TMEM108: variants seen among roughly 807,000 people sequenced by gnomAD.
The protein encoded by TMEM108 is transmembrane protein 108, also known as cancer/testis antigen 124.
In TMEM108, 12 loss-of-function variants were observed where a neutral mutation model predicts 35.1. The observed-to-expected ratio is 0.34, with a 90% CI of 0.22 to 0.55. TMEM108 has a LOEUF of 0.55. Ranked by LOEUF, TMEM108 falls within the 20% of genes least tolerant of loss-of-function variation. The pLI, the probability that TMEM108 is intolerant of heterozygous loss-of-function variation, is 0.89. For synonymous variants in TMEM108, 287 were observed against 308.6 expected (o/e 0.93, Z 0.73); for missense variants, 680 against 753.3 (o/e 0.90, Z 1.14).
intron 3 of TMEM108, among the ~76,000 whole-genome samples, chr3:133,347,424 T>C (rs1576479999): frequency 6.6e-6 from 1 of 152,110 alleles, no homozygotes; most frequent in African/African-American, 2.4e-5. Flanking sequence ...TACATAGTGT[T>C]GTGTTTTTCA....
intron 3 of TMEM108, among the ~76,000 whole-genome samples, chr3:133,277,904 C>T (rs916716068): frequency 1.3e-5 from 2 of 152,202 alleles, no homozygotes; most frequent in African/African-American, 4.8e-5. Flanking sequence ...GGACCAGAGA[C>T]TCAGGCTCTG....
Position 133,380,348 on chromosome 3 carries a change from C to T in TMEM108, c.637C>T (p.Leu213=). 2 of 1,614,088 alleles carry T rather than the reference C, an allele frequency of 1.2e-6. No homozygotes were observed. Among genetic ancestry groups the T allele is most frequent in the East Asian group, 4.5e-5 (2 of 44,878 alleles). The part of the protein sequence containing the change: ...SSTPLGQKRP[L]GKIFQIYKGN... ...CACACCTCTGGGGCAGAAGCGGCCCCTGGGGAAAATCTTTCAGATCTACAA... is the reference window on the plus strand; with the variant it reads ...CACACCTCTGGGGCAGAAGCGGCCCTTGGGGAAAATCTTTCAGATCTACAA... Residue 213 remains leucine (L), a synonymous_variant, in exon 4 of 6, where the codon CTG becomes TTG. Coordinates refer to ENST00000321871, the MANE Select transcript of TMEM108 (RefSeq NM_023943.4). This position sits in a 1 kb window ranked among gnomAD's most constrained non-coding sequence, Gnocchi z 5.3.
intron 2 of TMEM108, among the ~76,000 whole-genome samples, chr3:133,179,226 A>G (rs1311328217): frequency 1.3e-5 from 2 of 152,130 alleles, no homozygotes; most frequent in South Asian, 2.1e-4. Context: ...AACTAGTTCA[A>G]CCATTGTGGA....
intron 1 of TMEM108, among the ~76,000 whole-genome samples, chr3:133,042,281 A>G (rs570766708): frequency 3.9e-5 from 6 of 152,234 alleles, no homozygotes; most frequent in African/African-American, 1.4e-4. Context: ...TTCCCATCCT[A>G]TGGCTTAGGT....
chr3:133,147,212 T>C (rs1944734116), intron 2 of TMEM108, among the ~76,000 whole-genome samples: 1 of 152,210 alleles, frequency 6.6e-6, no homozygotes, highest in South Asian at 2.1e-4. Flanking sequence ...CTTAATTTTG[T>C]TATTTACTCA....
chr3:133,098,022 C>T (rs528937034), intron 2 of TMEM108, among the ~76,000 whole-genome samples: 8 of 152,300 alleles, frequency 5.3e-5, no homozygotes, highest in African/African-American at 1.9e-4. Flanking sequence ...TGGATGGATA[C>T]TCACCAATAG....
intron 2 of TMEM108, among the ~76,000 whole-genome samples, chr3:133,223,141 T>C (rs1455914413): frequency 6.6e-6 from 1 of 152,260 alleles, no homozygotes; most frequent in African/African-American, 2.4e-5. Flanking sequence ...GTCATGTTTC[T>C]TTGATTGTTC....
At chr3:133,357,900 C>A (rs181616447) in intron 3 of TMEM108, among the ~76,000 whole-genome samples, 2 of 152,028 alleles carry the variant, frequency 1.3e-5, no homozygotes, top group African/African-American at 4.8e-5. Flanking sequence ...ATCCATGTAA[C>A]CAAAAACCAC....
At chr3:133,152,349 G>A (rs1191794026) in intron 2 of TMEM108, among the ~76,000 whole-genome samples, 1 of 152,178 alleles carries the variant, frequency 6.6e-6, no homozygotes, top group African/African-American at 2.4e-5. Flanking sequence ...TAATGGCAAC[G>A]TATGCTGACT....
At chr3:133,221,099 T>C (rs181222298) in intron 2 of TMEM108, among the ~76,000 whole-genome samples, 16 of 152,194 alleles carry the variant, frequency 1.1e-4, no homozygotes, top group Admixed American at 2.0e-4. Flanking sequence ...CAGTAAGCTC[T>C]CTAAACCCTG....
At chr3:133,313,231 T>C (rs2071156011) in intron 3 of TMEM108, among the ~76,000 whole-genome samples, 1 of 151,676 alleles carries the variant, frequency 6.6e-6, no homozygotes, top group Admixed American at 6.6e-5. Flanking sequence ...GGAGTCTCTC[T>C]CTGTCACCCA....
chr3:133,247,439 G>C (rs1233886732), intron 3 of TMEM108: 1 of 152,042 alleles, frequency 6.6e-6, no homozygotes, highest in African/African-American at 2.4e-5. Flanking sequence ...CCCTCACTTG[G>C]ATACAAGTAA....
At chr3:133,270,682 T>C (rs939999966) in intron 3 of TMEM108, among the ~76,000 whole-genome samples, 7 of 152,178 alleles carry the variant, frequency 4.6e-5, no homozygotes, top group African/African-American at 1.7e-4. Flanking sequence ...CAAGAGGATC[T>C]TGGCAGTCAA....
intron 2 of TMEM108, among the ~76,000 whole-genome samples, chr3:133,218,066 AT>A (rs1007897885): frequency 2.0e-5 from 3 of 151,926 alleles, no homozygotes; most frequent in South Asian, 4.1e-4. Context: ...ATGTCTTTCC[AT>A]TTATTTATGT....
chr3:133,208,791 C>T (rs1342847458), intron 2 of TMEM108, among the ~76,000 whole-genome samples: 1 of 152,164 alleles, frequency 6.6e-6, no homozygotes, highest in African/African-American at 2.4e-5. Flanking sequence ...ACTCCTGCCT[C>T]ACTGTCTTAC....
At chr3:133,094,028 A>G (rs1400619371) in intron 2 of TMEM108, among the ~76,000 whole-genome samples, 1 of 152,178 alleles carries the variant, frequency 6.6e-6, no homozygotes, top group Admixed American at 6.5e-5. Flanking sequence ...TTGAGTTGTT[A>G]CAGTTAATAG....
In TMEM108 at chr3:133,164,017, T is replaced by G. The variant is rs1944999414; in HGVS notation, c.-46-65249T>G. ...TATTTCTAGTTGCCCTTACCTAGGT[T>G]TCCATTTTATAACTTCCTATCAAAG... On this transcript the variant is annotated intron_variant, in intron 2 of 5. Coordinates refer to ENST00000321871, the MANE Select transcript of TMEM108 (RefSeq NM_023943.4). Among the ~76,000 whole-genome samples the G allele has an allele frequency of 3.3e-5, 5 of 152,328 alleles. No homozygotes were observed. In the South Asian group the frequency reaches 8.3e-4, roughly 25 times the overall value.
At chr3:133,395,777 A>G (rs1576549966) in intron 5 of TMEM108, 87 bp from the exon 6 acceptor site, 1 of 1,345,988 alleles carries the variant, frequency 7.4e-7, no homozygotes, top group East Asian at 2.7e-5. Context: ...GTGCTGAAAT[A>G]AATGTTCCCA....
intron 2 of TMEM108, among the ~76,000 whole-genome samples, chr3:133,111,405 G>A (rs1432055430): frequency 6.6e-6 from 1 of 152,060 alleles, no homozygotes; most frequent in Non-Finnish European, 1.5e-5. Context: ...CTTTTGAACT[G>A]AAGATTTTCT....
Sources: allele counts gnomAD v4.1 joint callset (sites outside exome capture counted in the v4.1 genomes callset), GRCh38; gene constraint gnomAD v4.1.1; non-coding constraint Gnocchi (gnomAD v3.1); transcripts MANE v1.5; gene names NCBI Gene and HGNC (gene_info 2026-07-23, HGNC 2026-07-21).